The following ASMT variants were observed in gnomAD, a reference collection of about 807,000 sequenced individuals.
The protein encoded by ASMT is acetylserotonin N-methyltransferase.
In ASMT, 53 loss-of-function variants were observed where a neutral mutation model predicts 41.3. The observed-to-expected ratio is 1.28, with a 90% CI of 1.03 to 1.61. The LOEUF is 1.61. ASMT is among the 40% of genes most tolerant of loss of function. The probability of loss-of-function intolerance (pLI) is 0.00; values close to 1 mark genes in which losing one functional copy is unlikely to be tolerated. For synonymous variants in ASMT, 231 were observed against 184.8 expected (o/e 1.25, Z -2.03); for missense variants, 531 against 441.3 (o/e 1.20, Z -1.82).
At chrX:1,633,507 G>T (rs1934852244) in intron 7 of ASMT, among the ~76,000 whole-genome samples, 1 of 152,058 alleles carries the variant, frequency 6.6e-6, no homozygotes, top group African/African-American at 2.4e-5. Context: ...ACAGAGTCTT[G>T]CTTTGTCGCC....
At chrX:1,619,609 A>T (rs1934268256) in intron 1 of ASMT, among the ~76,000 whole-genome samples, 1 of 148,562 alleles carries the variant, frequency 6.7e-6, no homozygotes, top group African/African-American at 2.5e-5. Context: ...GGGAGCAGAA[A>T]AAAAAAAAGA....
At chrX:1,631,410 T>A (rs1464451206) in intron 5 of ASMT, among the ~76,000 whole-genome samples, 7 of 151,776 alleles carry the variant, frequency 4.6e-5, no homozygotes, top group Non-Finnish European at 1.0e-4. Flanking sequence ...AAGCACCTCC[T>A]CTACCCCATA....
At chrX:1,629,966 C>G (rs368679079) in intron 5 of ASMT, 27 bp downstream of exon 5, 125 of 1,557,536 alleles carry the variant, frequency 8.0e-5, no homozygotes, top group Non-Finnish European at 1.1e-4. Context: ...ACTAATACCT[C>G]GGAGGTGTGG....
intron 7 of ASMT, among the ~76,000 whole-genome samples, chrX:1,635,335 C>T (rs1448156790): frequency 6.6e-6 from 1 of 152,056 alleles, no homozygotes; most frequent in Non-Finnish European, 1.5e-5. Flanking sequence ...CCAAGATTGG[C>T]ACCTTATCAT....
At chrX:1,630,046 C>A in intron 5 of ASMT, 107 bp downstream of exon 5, 1 of 1,035,386 alleles carries the variant, frequency 9.7e-7, no homozygotes. Flanking sequence ...TTGACATGTG[C>A]GGCCTTACTG....
Position 1,615,077 on chromosome X carries a change from C to A in ASMT, c.-123C>A. ...CGTCTTTGTTTGAGTACTGGGCAGG[C>A]AGCAGGGAGAGTCAGGCAGCAGCTG... On this transcript the variant is annotated 5_prime_UTR_variant, in exon 1 of 9. Coordinates refer to ENST00000381241, the MANE Select transcript of ASMT (RefSeq NM_001171038.2). 1 of 794,384 alleles carries A rather than the reference C, an allele frequency of 1.3e-6. No homozygotes were observed. The highest frequency in any genetic ancestry group is 2.2e-6 in the Non-Finnish European group (1 of 455,636). 49.2% of individuals were successfully genotyped at this position (794,384 alleles called of 1,614,324 possible).
At chrX:1,619,548 G>GTAT (rs1934260847) in intron 1 of ASMT, among the ~76,000 whole-genome samples, 1 of 100,108 alleles carries the variant, frequency 1.0e-5, no homozygotes, top group Non-Finnish European at 1.8e-5. Context: ...AGAACTTAAA[G>GTAT]TATAATAATA....
rs1420189665 is a variant in ASMT at position 1,615,188 on chromosome X, A to G, written c.-12A>G. ...CAGAGGCTCCGGAAGCCACGGCTGGATTGGAGACAAGATGGGATCCTCAGA... is the reference window on the plus strand; with the variant it reads ...CAGAGGCTCCGGAAGCCACGGCTGGGTTGGAGACAAGATGGGATCCTCAGA... On this transcript the variant is annotated 5_prime_UTR_variant, in exon 1 of 9. Coordinates refer to ENST00000381241, the MANE Select transcript of ASMT (RefSeq NM_001171038.2). 1.3e-6 allele frequency: 2 copies of G among 1,587,024 alleles called. No individual in the cohort carries two copies. The highest frequency in any genetic ancestry group is 2.3e-5 in the East Asian group (1 of 43,542).
chrX:1,615,215 G>A lies in ASMT; in HGVS notation c.16G>A (p.Asp6Asn), dbSNP rs766825318. 5.6e-6 allele frequency: 9 copies of A among 1,597,024 alleles called. No homozygotes were observed. Among genetic ancestry groups the A allele is most frequent in the Non-Finnish European group, 6.0e-6 (7 of 1,171,996 alleles). Reference protein sequence around the residue: MGSSEDQAYRLLNDYA... With the variant: MGSSENQAYRLLNDYA... ...TGGAGACAAGATGGGATCCTCAGAG[G>A]ACCAGGCCTATCGCCTCCTTAATGA... Residue 6 changes from aspartate (D) to asparagine (N), a missense_variant, in exon 1 of 9, where the codon GAC becomes AAC. Coordinates refer to ENST00000381241, the MANE Select transcript of ASMT (RefSeq NM_001171038.2).
At position 1,637,458 on chromosome X, in the gene ASMT, CAT is replaced by C. The variant is rs1204409544; in HGVS notation, c.910+899_910+900del. Among the ~76,000 whole-genome samples the C allele has an allele frequency of 2.6e-4, 2 of 7,562 alleles. 1 individual carries two copies. Among genetic ancestry groups the C allele is most frequent in the African/African-American group, 1.3e-3 (2 of 1,584 alleles). 5.0% of individuals were successfully genotyped at this position (7,562 alleles called of 152,430 possible). On this transcript the variant is annotated intron_variant, in intron 8 of 8. Transcript: ENST00000381241. ...GTGAGGTCCACCCATCCTGATGGCA[CAT>C]GAGGATGTGGGCACAGCCTCTGTGT...
At chrX:1,623,807 C>T (rs1934424197) in intron 2 of ASMT, among the ~76,000 whole-genome samples, 1 of 151,986 alleles carries the variant, frequency 6.6e-6, no homozygotes, top group Non-Finnish European at 1.5e-5. Context: ...AGGTGATCCA[C>T]CAGCCTGGGC....
rs201741679 is a variant in ASMT at position 1,642,886 on chromosome X, C to A, written c.994C>A (p.Leu332Ile). The change falls in exon 9 of 9, where the codon CTT (leucine) becomes ATT (isoleucine). Residue 332 changes from leucine to isoleucine, a missense_variant. Leu to Ile is a conservative substitution (Grantham distance 5, BLOSUM62 2). Coordinates refer to ENST00000381241, the MANE Select transcript of ASMT (RefSeq NM_001171038.2). Reference sequence around the variant, plus strand: ...CACGCAGCTCTACTCTCTGAACATGCTTGTGCAGACGGAAGGGCAGGAGAG... The same window carrying A: ...CACGCAGCTCTACTCTCTGAACATGATTGTGCAGACGGAAGGGCAGGAGAG... Reference protein sequence around the residue: ...LLTQLYSLNMLVQTEGQERTP... With the variant: ...LLTQLYSLNMIVQTEGQERTP... 5.6e-6 allele frequency: 9 copies of A among 1,613,992 alleles called. No individual in the cohort carries two copies. The Admixed American group carries it at 1.0e-4, about 18-fold the overall frequency.
rs1383431284 is a variant in ASMT at position 1,637,000 on chromosome X, G to GTA, written c.910+441_910+442insAT. 5.9e-5 allele frequency among the ~76,000 whole-genome samples: 4 copies of GTA among 68,148 alleles called. 1 individual carries two copies. The East Asian group carries it at 3.7e-3, about 62-fold the overall frequency. 44.7% of individuals were successfully genotyped at this position (68,148 alleles called of 152,430 possible). ...GAGGATGTGGGCACAGCCTCTGTGT[G>GTA]TGATGGGGACAGTGTCCCAGCTCTC... On this transcript the variant is annotated intron_variant, in intron 8 of 8. Transcript: ENST00000381241.
chrX:1,616,443 G>C (rs1365377126), intron 1 of ASMT, among the ~76,000 whole-genome samples: 2 of 151,534 alleles, frequency 1.3e-5, no homozygotes, highest in Middle Eastern at 3.4e-3. Context: ...GCAGAGGCTG[G>C]GCAGGACTGC....
chrX:1,615,457 G>A (rs1934048152), intron 1 of ASMT, among the ~76,000 whole-genome samples, 189 bp downstream of exon 1: 1 of 151,926 alleles, frequency 6.6e-6, no homozygotes, highest in Non-Finnish European at 1.5e-5. Context: ...GTGGTCTGGG[G>A]ACAGCTTGGT....
chrX:1,616,000 G>T (rs748845659), intron 1 of ASMT, among the ~76,000 whole-genome samples: 1 of 151,928 alleles, frequency 6.6e-6, no homozygotes, highest in African/African-American at 2.4e-5. Context: ...AGTTTTGAGG[G>T]TTCACCCGTA....
rs773130939 is a variant in ASMT, at chrX:1,636,602, G to A, written c.910+42G>A. 2.4e-5 allele frequency: 39 copies of A among 1,613,450 alleles called. No individual in the cohort carries two copies. The East Asian group carries it at 5.1e-4, about 21-fold the overall frequency. ...GCATTTCAGCGTGTGCTTGTGACAC[G>A]GGGCAGAATTGTACGAGTCACATTT... On this transcript the variant is annotated intron_variant, in intron 8 of 8. Coordinates refer to ENST00000381241, the MANE Select transcript of ASMT (RefSeq NM_001171038.2).
chrX:1,618,185 T>C (rs370040428), intron 1 of ASMT, among the ~76,000 whole-genome samples: 1 of 151,776 alleles, frequency 6.6e-6, no homozygotes, highest in Non-Finnish European at 1.5e-5. Flanking sequence ...TTTTCTGATA[T>C]GGAGTTTCAC....
At chrX:1,615,982 T>C (rs1280884327) in intron 1 of ASMT, among the ~76,000 whole-genome samples, 1 of 152,158 alleles carries the variant, frequency 6.6e-6, no homozygotes, top group Non-Finnish European at 1.5e-5. Context: ...GCGTTTATCA[T>C]AGAGGTGAGT....
Sources: gnomAD v4.1 joint callset for allele counts (sites outside exome capture counted in the v4.1 genomes callset) on GRCh38, gnomAD v4.1.1 for gene constraint, MANE v1.5 for transcripts, NCBI Gene and HGNC (gene_info 2026-07-23, HGNC 2026-07-21) for gene names.